TMTC3: variants seen among roughly 807,000 people sequenced by gnomAD.
TMTC3 encodes transmembrane O-mannosyltransferase targeting cadherins 3, also known as protein O-mannosyl-transferase TMTC3.
A neutral mutation model predicts 92.2 loss-of-function variants in TMTC3; 52 were observed. The observed-to-expected ratio is 0.56, with a 90% confidence interval of 0.45 to 0.71. TMTC3 has a LOEUF of 0.71. Ranked by LOEUF, TMTC3 falls within the 30% of genes least tolerant of loss-of-function variation. TMTC3 has a pLI of 0.00. For missense variants in TMTC3, 896 were observed against 1,057.1 expected (o/e 0.85, Z 2.11); for synonymous variants, 339 against 363.3 (o/e 0.93, Z 0.76).
intron 2 of TMTC3, among the ~76,000 whole-genome samples, chr12:88,148,943 A>G (rs1037767556): frequency 2.8e-4 from 42 of 152,230 alleles, no homozygotes; most frequent in African/African-American, 9.9e-4. Flanking sequence ...GGTGTAATAC[A>G]TGCCTGTTTC....
At position 88,146,150 on chromosome 12, in the gene TMTC3, C is replaced by A. The variant is rs201773966; in HGVS notation, c.-28-2138C>A. On this transcript the variant is annotated intron_variant, in intron 1 of 13. Transcript: ENST00000266712. ...TGTAAATCTGTCCCTTCCCTGCAAC[C>A]TCTACTTTGCAGGTGGCTCTTGGAA... 3.9e-5 allele frequency among the ~76,000 whole-genome samples: 6 copies of A among 152,134 alleles called. No individual in the cohort carries two copies. The East Asian group carries it at 1.2e-3, about 29-fold the overall frequency.
At chr12:88,160,564 A>T in intron 5 of TMTC3, 115 bp from the exon 6 acceptor site, 1 of 929,782 alleles carries the variant, frequency 1.1e-6, no homozygotes, top group Middle Eastern at 3.1e-4. Context: ...ACATTCTTCC[A>T]CATTAATTTT....
chr12:88,150,221 A>G (rs534430634), intron 2 of TMTC3, among the ~76,000 whole-genome samples: 2 of 152,286 alleles, frequency 1.3e-5, no homozygotes, highest in South Asian at 4.1e-4. Context: ...GGCACTTCAC[A>G]TAGCAAAAGC....
intron 13 of TMTC3, among the ~76,000 whole-genome samples, chr12:88,194,498 T>C (rs926276026): frequency 6.6e-6 from 1 of 152,198 alleles, no homozygotes; most frequent in Non-Finnish European, 1.5e-5. Flanking sequence ...CAAGATTGAA[T>C]ACATGTCTTT....
At chr12:88,192,884 A>G (rs1166377149) in intron 13 of TMTC3, 54 bp downstream of exon 13, 4 of 1,436,800 alleles carry the variant, frequency 2.8e-6, no homozygotes, top group Middle Eastern at 2.4e-4. Context: ...ATAATATAAT[A>G]AGACCTTAAT....
chr12:88,175,831 T>G (rs1299401888), intron 9 of TMTC3, among the ~76,000 whole-genome samples: 1 of 152,210 alleles, frequency 6.6e-6, no homozygotes, highest in East Asian at 1.9e-4. Flanking sequence ...TAAATAATTT[T>G]AAATATGTCA....
intron 7 of TMTC3, among the ~76,000 whole-genome samples, chr12:88,167,000 T>G (rs2041151311): frequency 6.6e-6 from 1 of 151,936 alleles, no homozygotes; most frequent in South Asian, 2.1e-4. Context: ...CAGTTTTTTT[T>G]TTTTTTTTTT....
At chr12:88,168,301 G>C (rs2041168037) in intron 7 of TMTC3, among the ~76,000 whole-genome samples, 1 of 152,178 alleles carries the variant, frequency 6.6e-6, no homozygotes, top group African/African-American at 2.4e-5. Context: ...TGAGTGATTT[G>C]ATGAGGAAGT....
chr12:88,184,696 A>G (rs1287383121), intron 10 of TMTC3, among the ~76,000 whole-genome samples: 2 of 152,230 alleles, frequency 1.3e-5, no homozygotes, highest in Non-Finnish European at 2.9e-5. Context: ...AGAAGAAATA[A>G]AACAAATTTC....
At chr12:88,151,372 A>T (rs1301066183) in intron 2 of TMTC3, among the ~76,000 whole-genome samples, 1 of 152,156 alleles carries the variant, frequency 6.6e-6, no homozygotes, top group Non-Finnish European at 1.5e-5. Flanking sequence ...TGTTAGCTTA[A>T]TCATTCATTA....
chr12:88,181,296 A>T (rs1424582384), intron 10 of TMTC3, among the ~76,000 whole-genome samples: 1 of 152,196 alleles, frequency 6.6e-6, no homozygotes, highest in Non-Finnish European at 1.5e-5. Context: ...AAATTCAAGG[A>T]TGTGAATAAC....
At chr12:88,180,223 G>A (rs2041302032) in intron 10 of TMTC3, among the ~76,000 whole-genome samples, 1 of 152,162 alleles carries the variant, frequency 6.6e-6, no homozygotes, top group Non-Finnish European at 1.5e-5. Context: ...ACAAACATGA[G>A]TATAATCAGT....
intron 7 of TMTC3, among the ~76,000 whole-genome samples, chr12:88,168,656 G>A (rs1324822303): frequency 6.6e-6 from 1 of 152,174 alleles, no homozygotes; most frequent in African/African-American, 2.4e-5. Flanking sequence ...ATGTTGATTG[G>A]TTAAGTGGTA....
Position 88,172,728 on chromosome 12 carries a change from G to A in TMTC3, c.1182G>A (p.Gln394=), listed in dbSNP as rs760199855. ...GTATTTTGGTAGCCCATGGATGGCA[G>A]AAAATATCAACAAAAAGGTGAATTT... ...GFCILVAHGW[Q]KISTKSVFKK... is the part of the protein sequence containing the mutation. Residue 394 remains glutamine, a synonymous_variant, in exon 8 of 14, where the codon CAG becomes CAA. Coordinates refer to ENST00000266712, the MANE Select transcript of TMTC3 (RefSeq NM_181783.4). 3.8e-6 allele frequency: 6 copies of A among 1,598,950 alleles called. No homozygotes were observed. The highest frequency in any genetic ancestry group is 5.1e-6 in the Non-Finnish European group (6 of 1,174,826).
At chr12:88,176,156 T>G (rs2041256576) in intron 9 of TMTC3, 52 bp from the exon 10 acceptor site, 1 of 1,193,682 alleles carries the variant, frequency 8.4e-7, no homozygotes, top group Non-Finnish European at 1.2e-6. Flanking sequence ...CTGTATGAAC[T>G]GGAGTCATTT....
In TMTC3 at chr12:88,197,110, T is replaced by C. The variant is rs2041522338; in HGVS notation, c.*1461T>C. ...TATTTCAAAACTATATATTTTTTAG[T>C]TCCTTTGAGATAACTAATTTCTAAT... On this transcript the variant is annotated 3_prime_UTR_variant, in exon 14 of 14. Coordinates refer to ENST00000266712, the MANE Select transcript of TMTC3 (RefSeq NM_181783.4). 1 of 152,154 alleles carries C rather than the reference T, an allele frequency of 6.6e-6. No individual in the cohort carries two copies. The highest frequency in any genetic ancestry group is 1.5e-5 in the Non-Finnish European group (1 of 67,792). The allele number at this position is 152,154 out of a possible 1,614,324, so 9.4% of individuals were successfully genotyped here. A position where few individuals can be genotyped will look rare whatever the true frequency, so the allele number is the denominator to read the frequency against.
Position 88,195,689 on chromosome 12 carries a change from A to G in TMTC3, c.*40A>G, listed in dbSNP as rs375671992. The G allele has an allele frequency of 1.1e-5, 17 of 1,508,228 alleles. No homozygotes were observed. Among genetic ancestry groups the G allele is most frequent in the African/African-American group, 4.2e-5 (3 of 71,394 alleles). The allele number at this position is 1,508,228 out of a possible 1,614,324, so 93.4% of individuals were successfully genotyped here. ...GTGACAATGGTATCAAAGAACATCAATCCGTATCATGTGATTGCTTTTACT... is the reference window on the plus strand; with the variant it reads ...GTGACAATGGTATCAAAGAACATCAGTCCGTATCATGTGATTGCTTTTACT... On this transcript the variant is annotated 3_prime_UTR_variant, in exon 14 of 14. Transcript: ENST00000266712.
intron 6 of TMTC3, among the ~76,000 whole-genome samples, chr12:88,163,651 C>G (rs1337812703): frequency 6.9e-6 from 1 of 144,752 alleles, no homozygotes; most frequent in Admixed American, 7.2e-5. Flanking sequence ...AACTCCATCA[C>G]TTCAATCTAC....
chr12:88,195,375 T>C lies in TMTC3; in HGVS notation c.2471T>C (p.Ile824Thr). 1 of 1,613,902 alleles carries C rather than the reference T, an allele frequency of 6.2e-7. No homozygotes were observed. Among genetic ancestry groups the C allele is most frequent in the Non-Finnish European group, 8.5e-7 (1 of 1,179,896 alleles). ...GATAAGATTTCCTCATCTAGTTTTA[T>C]AGAGCCAATATTCCCAACCAGTAAG... is the stretch of plus-strand genomic sequence containing the variant. ...VRDKISSSSF[I>T]EPIFPTSKIS... Residue 824 changes from isoleucine to threonine, a missense_variant, in exon 14 of 14, where the codon ATA becomes ACA. Ile to Thr is a moderately conservative substitution (Grantham distance 89). Transcript: ENST00000266712.
Sources: allele counts gnomAD v4.1 joint callset (sites outside exome capture counted in the v4.1 genomes callset), GRCh38; gene constraint gnomAD v4.1.1; transcripts MANE v1.5; gene names NCBI Gene and HGNC (gene_info 2026-07-23, HGNC 2026-07-21).